The following LRRC4C variants were observed in gnomAD, a reference collection of about 807,000 sequenced individuals.
The protein encoded by LRRC4C is leucine-rich repeat-containing protein 4C.
Under a neutral mutation model 33.6 loss-of-function variants are expected in LRRC4C, and 5 were observed. That is an observed-to-expected ratio of 0.15 (90% CI 0.08 to 0.31). LRRC4C has a LOEUF of 0.31. LRRC4C is among the 10% of genes least tolerant of loss of function. The pLI is 1.00. For synonymous variants in LRRC4C, 329 were observed against 302.0 expected (o/e 1.09, Z -0.93); for missense variants, 560 against 796.7 (o/e 0.70, Z 3.58).
intron 1 of LRRC4C, among the ~76,000 whole-genome samples, chr11:41,313,632 A>G (rs1174081472): frequency 4.6e-5 from 7 of 152,214 alleles, no homozygotes; most frequent in Non-Finnish European, 8.8e-5. Context: ...ATGATTGTTA[A>G]AGGGTCTATA....
chr11:41,019,638 C>T (rs1425953365), intron 1 of LRRC4C, among the ~76,000 whole-genome samples: 2 of 152,174 alleles, frequency 1.3e-5, no homozygotes, highest in Non-Finnish European at 2.9e-5. Flanking sequence ...TTCCCACCAA[C>T]AGTGTAAAAG....
chr11:41,000,452 G>A (rs958148758), intron 1 of LRRC4C, among the ~76,000 whole-genome samples: 11 of 152,054 alleles, frequency 7.2e-5, no homozygotes, highest in Admixed American at 2.0e-4. Context: ...ACACAGAATC[G>A]GTATATTCTC....
chr11:41,165,579 T>C (rs1037795830), intron 1 of LRRC4C, among the ~76,000 whole-genome samples: 2 of 152,178 alleles, frequency 1.3e-5, no homozygotes, highest in African/African-American at 2.4e-5. Flanking sequence ...CTATACAATG[T>C]CAGGTAGCTT....
chr11:40,662,679 G>C (rs1238458417), intron 2 of LRRC4C, among the ~76,000 whole-genome samples: 3 of 152,184 alleles, frequency 2.0e-5, no homozygotes, highest in Non-Finnish European at 4.4e-5. Context: ...TGGTATTCTG[G>C]TGAGGATCAG....
At chr11:41,079,458 T>C (rs1939399680) in intron 1 of LRRC4C, among the ~76,000 whole-genome samples, 1 of 152,208 alleles carries the variant, frequency 6.6e-6, no homozygotes, top group African/African-American at 2.4e-5. Flanking sequence ...TCACTCCCAA[T>C]AAATTAAAAA....
At chr11:40,621,188 A>G (rs1178414256) in intron 3 of LRRC4C, among the ~76,000 whole-genome samples, 1 of 151,764 alleles carries the variant, frequency 6.6e-6, no homozygotes, top group East Asian at 1.9e-4. Context: ...CAGTGCACCA[A>G]GAGTGAGCTT....
At chr11:40,943,176 A>C (rs1237155321) in intron 1 of LRRC4C, among the ~76,000 whole-genome samples, 1 of 152,192 alleles carries the variant, frequency 6.6e-6, no homozygotes, top group Non-Finnish European at 1.5e-5. Context: ...CGTGGTGCAG[A>C]AGAAATGACT....
In LRRC4C at chr11:41,341,657, A is replaced by G. The variant is rs1479827386; in HGVS notation, c.-496+117774T>C. Among the ~76,000 whole-genome samples the G allele has an allele frequency of 3.3e-5, 5 of 152,200 alleles. No homozygotes were observed. In the East Asian group the frequency reaches 9.6e-4, roughly 29 times the overall value. ...AATCAACAAAAGACCATGTAAATAAAGTTTCTGCTCATCTTTCCAAGCATG... is the reference window on the plus strand; with the variant it reads ...AATCAACAAAAGACCATGTAAATAAGGTTTCTGCTCATCTTTCCAAGCATG... On this transcript the variant is annotated intron_variant, in intron 1 of 6. Transcript: ENST00000528697.
At chr11:40,440,256 C>G (rs920949316) in intron 3 of LRRC4C, among the ~76,000 whole-genome samples, 3 of 149,316 alleles carry the variant, frequency 2.0e-5, no homozygotes, top group Non-Finnish European at 4.4e-5. Context: ...TGACCCAGAT[C>G]TGTGTGACTC....
At chr11:41,009,810 C>A (rs1855040004) in intron 1 of LRRC4C, among the ~76,000 whole-genome samples, 2 of 152,050 alleles carry the variant, frequency 1.3e-5, no homozygotes, top group South Asian at 4.1e-4. Flanking sequence ...GAATTGTGTT[C>A]CCCCAAAAAA....
At chr11:40,561,217 A>G (rs1957533214) in intron 3 of LRRC4C, among the ~76,000 whole-genome samples, 1 of 152,076 alleles carries the variant, frequency 6.6e-6, no homozygotes, top group Non-Finnish European at 1.5e-5. Context: ...TCAGGACTCG[A>G]ATTCAGGTCT....
At chr11:40,990,270 T>C (rs2137235996) in intron 1 of LRRC4C, among the ~76,000 whole-genome samples, 1 of 133,290 alleles carries the variant, frequency 7.5e-6, no homozygotes, top group African/African-American at 2.7e-5. Context: ...TATATATATA[T>C]ATATGAATAT....
intron 1 of LRRC4C, among the ~76,000 whole-genome samples, chr11:41,453,973 T>C (rs1424662342): frequency 6.6e-6 from 1 of 152,134 alleles, no homozygotes; most frequent in Admixed American, 6.6e-5. Flanking sequence ...TCAAATTTTA[T>C]GGCATGAAGC....
Position 40,809,408 on chromosome 11 carries a change from C to T in LRRC4C, c.-407+124227G>A, listed in dbSNP as rs141465284. 3.9e-5 allele frequency among the ~76,000 whole-genome samples: 6 copies of T among 152,234 alleles called. No individual in the cohort carries two copies. The East Asian group carries it at 5.8e-4, about 15-fold the overall frequency. ...TTTTCACACAGATATCACTATTTCT[C>T]AATATTATTTGTCATATTTTTGTTC... On this transcript the variant is annotated intron_variant, in intron 2 of 6. Coordinates refer to ENST00000528697, the MANE Select transcript of LRRC4C (RefSeq NM_001258419.2).
At chr11:40,705,376 G>C (rs1946105141) in intron 2 of LRRC4C, among the ~76,000 whole-genome samples, 2 of 151,628 alleles carry the variant, frequency 1.3e-5, no homozygotes, top group African/African-American at 4.8e-5. Context: ...GCCACGACAG[G>C]GCCGGGTGTG....
At position 41,016,384 on chromosome 11, in the gene LRRC4C, A is replaced by G. The variant is rs185639012; in HGVS notation, c.-495-82661T>C. ...GAGAATGAAAAAAACAACAGCATGC[A>G]TTTCTAAAGTAATATATCTTATATA... On this transcript the variant is annotated intron_variant, in intron 1 of 6. Transcript: ENST00000528697. Among the ~76,000 whole-genome samples the G allele has an allele frequency of 2.4e-3, 365 of 152,332 alleles. 2 individuals are homozygous for G. The highest frequency in any genetic ancestry group is 8.4e-3 in the African/African-American group (349 of 41,570).
intron 2 of LRRC4C, among the ~76,000 whole-genome samples, chr11:40,649,093 G>T (rs540990123): frequency 2.0e-5 from 3 of 152,274 alleles, no homozygotes; most frequent in Non-Finnish European, 4.4e-5. Flanking sequence ...ACTGATAAAG[G>T]TCTGTGTTCA....
At chr11:40,280,315 G>C (rs1943386029) in intron 4 of LRRC4C, among the ~76,000 whole-genome samples, 1 of 152,214 alleles carries the variant, frequency 6.6e-6, no homozygotes, top group African/African-American at 2.4e-5. Context: ...GGTTGGACCT[G>C]AAGTGATGGC....
intron 1 of LRRC4C, among the ~76,000 whole-genome samples, chr11:41,358,762 A>G (rs185591891): frequency 7.2e-5 from 11 of 152,268 alleles, no homozygotes; most frequent in Non-Finnish European, 1.5e-5. Context: ...AGCAACAGGA[A>G]CTCTCATTAA....
Sources: gnomAD v4.1 joint callset for allele counts (sites outside exome capture counted in the v4.1 genomes callset) on GRCh38, gnomAD v4.1.1 for gene constraint, MANE v1.5 for transcripts, NCBI Gene and HGNC (gene_info 2026-07-23, HGNC 2026-07-21) for gene names.